Variants in SLCO6A1 observed in about 807,000 individuals in gnomAD.
SLCO6A1 encodes the protein solute carrier organic anion transporter family member 6A1.
SLCO6A1 carries 65 observed loss-of-function variants against 72.7 expected under a neutral mutation model. That is an observed-to-expected ratio of 0.89 (90% CI 0.73 to 1.10). The LOEUF (loss-of-function observed/expected upper bound fraction) is 1.10, where lower values mean the gene tolerates loss of function less well. SLCO6A1 is among the 50% of genes least tolerant of loss of function. SLCO6A1 has a pLI of 0.00. For synonymous variants in SLCO6A1, 314 were observed against 298.2 expected (o/e 1.05, Z -0.55); for missense variants, 874 against 872.6 (o/e 1.00, Z -0.02).
chr5:102,449,935 C>T (rs1750325674), intron 6 of SLCO6A1, among the ~76,000 whole-genome samples: 1 of 152,156 alleles, frequency 6.6e-6, no homozygotes, highest in Admixed American at 6.5e-5. Flanking sequence ...CGATAATACT[C>T]CCAATTATGT....
intron 1 of SLCO6A1, among the ~76,000 whole-genome samples, chr5:102,494,729 A>G (rs1339410788): frequency 6.6e-6 from 1 of 152,212 alleles, no homozygotes; most frequent in Non-Finnish European, 1.5e-5. Context: ...GGAATAGCTA[A>G]AATTTTAAGA....
intron 7 of SLCO6A1, among the ~76,000 whole-genome samples, chr5:102,431,598 G>T (rs1259338933): frequency 6.6e-6 from 1 of 152,080 alleles, no homozygotes; most frequent in African/African-American, 2.4e-5. Context: ...CCAAGAGAGT[G>T]GTTGGTATGA....
intron 8 of SLCO6A1, among the ~76,000 whole-genome samples, chr5:102,414,467 T>C (rs1748161316): frequency 6.6e-6 from 1 of 152,150 alleles, no homozygotes; most frequent in Non-Finnish European, 1.5e-5. Context: ...GATGATACAA[T>C]CTTAGGCCTA....
At chr5:102,488,680 C>T (rs1273464134) in intron 1 of SLCO6A1, among the ~76,000 whole-genome samples, 5 of 152,202 alleles carry the variant, frequency 3.3e-5, no homozygotes, top group African/African-American at 1.2e-4. Context: ...ACACTTCAGT[C>T]AATTTAATTT....
intron 7 of SLCO6A1, among the ~76,000 whole-genome samples, chr5:102,421,567 C>T (rs1267675574): frequency 6.6e-6 from 1 of 152,154 alleles, no homozygotes; most frequent in Non-Finnish European, 1.5e-5. Flanking sequence ...GACTGCCTCT[C>T]TTGATTCCTC....
intron 4 of SLCO6A1, among the ~76,000 whole-genome samples, chr5:102,466,135 G>T (rs76048631): frequency 0.023 from 3,515 of 152,098 alleles, 94 homozygotes; most frequent in African/African-American, 0.068. Flanking sequence ...CAGGTATTAA[G>T]CCTAGTATTA....
intron 1 of SLCO6A1, among the ~76,000 whole-genome samples, chr5:102,488,217 A>G (rs1752526025): frequency 6.6e-6 from 1 of 152,204 alleles, no homozygotes; most frequent in Admixed American, 6.5e-5. Flanking sequence ...ATTAACTGAC[A>G]TAGGGTTAAA....
chr5:102,449,429 C>G (rs1199330781), intron 6 of SLCO6A1, among the ~76,000 whole-genome samples: 1 of 151,958 alleles, frequency 6.6e-6, no homozygotes, highest in Non-Finnish European at 1.5e-5. Flanking sequence ...CTCTGTTGCC[C>G]AGGCTGGAGT....
intron 12 of SLCO6A1, among the ~76,000 whole-genome samples, chr5:102,383,055 C>A: frequency 8.5e-6 from 1 of 117,460 alleles, no homozygotes; most frequent in African/African-American, 3.4e-5. Context: ...ATATATGACA[C>A]TCTACCAAAA....
chr5:102,377,965 T>C (rs1018628276), intron 12 of SLCO6A1, among the ~76,000 whole-genome samples: 1 of 151,250 alleles, frequency 6.6e-6, no homozygotes, highest in South Asian at 2.1e-4. Context: ...CTCTAGCATA[T>C]AAATTTAATG....
intron 8 of SLCO6A1, among the ~76,000 whole-genome samples, chr5:102,417,487 T>C (rs1035429070): frequency 2.0e-5 from 3 of 152,228 alleles, no homozygotes; most frequent in Non-Finnish European, 4.4e-5. Flanking sequence ...TATGTTGATT[T>C]ATGTGTTGTG....
At chr5:102,424,668 C>T (rs545425319) in intron 7 of SLCO6A1, among the ~76,000 whole-genome samples, 2 of 152,048 alleles carry the variant, frequency 1.3e-5, no homozygotes, top group East Asian at 1.9e-4. Context: ...TCAGATGGAT[C>T]GACAGCCAAA....
At chr5:102,489,966 G>A (rs1057394005) in intron 1 of SLCO6A1, among the ~76,000 whole-genome samples, 3 of 152,174 alleles carry the variant, frequency 2.0e-5, no homozygotes, top group African/African-American at 7.2e-5. Context: ...AGAACATCAT[G>A]TTAAGTGAAA....
At position 102,480,297 on chromosome 5, in the gene SLCO6A1, C is replaced by T; in HGVS notation, c.496G>A (p.Gly166Arg). 6.2e-7 allele frequency: 1 copy of T among 1,613,436 alleles called. No individual in the cohort carries two copies. Among genetic ancestry groups the T allele is most frequent in the Non-Finnish European group, 8.5e-7 (1 of 1,179,718 alleles). ...GLVAIFIAFYGDRKKVIWFVA... is the reference protein window; with the variant it reads ...GLVAIFIAFYRDRKKVIWFVA... ...AACCATATTACTTTTTTTCTGTCTC[C>T]ATAGAATGCTATAAATATTGCTACC... Residue 166 changes from glycine (G) to arginine (R), a missense_variant, in exon 2 of 14, where the codon GGA becomes AGA. By Grantham distance (125) the Gly-to-Arg change is moderately radical (BLOSUM62 -2). Transcript: ENST00000506729.
intron 7 of SLCO6A1, among the ~76,000 whole-genome samples, chr5:102,421,422 C>T (rs1299690259): frequency 1.3e-5 from 2 of 152,126 alleles, no homozygotes; most frequent in Non-Finnish European, 2.9e-5. Context: ...CTAAGATGCT[C>T]GAGCTTGGTG....
chr5:102,422,654 G>A (rs1748671300), intron 7 of SLCO6A1, among the ~76,000 whole-genome samples: 1 of 152,156 alleles, frequency 6.6e-6, no homozygotes, highest in Non-Finnish European at 1.5e-5. Context: ...ATTGATTGGT[G>A]TACCTGAAAG....
At chr5:102,449,696 C>T (rs1447393025) in intron 6 of SLCO6A1, among the ~76,000 whole-genome samples, 2 of 152,122 alleles carry the variant, frequency 1.3e-5, no homozygotes, top group African/African-American at 4.8e-5. Flanking sequence ...TTGTATTGAC[C>T]TCTCTAGTGA....
intron 7 of SLCO6A1, among the ~76,000 whole-genome samples, chr5:102,432,708 G>GT (rs1289255754): frequency 6.6e-6 from 1 of 152,034 alleles, no homozygotes; most frequent in Non-Finnish European, 1.5e-5. Context: ...CTTTGACATT[G>GT]TTTTTTCATT....
intron 6 of SLCO6A1, among the ~76,000 whole-genome samples, chr5:102,439,211 C>A (rs889023803): frequency 2.0e-5 from 3 of 151,770 alleles, no homozygotes; most frequent in African/African-American, 7.3e-5. Flanking sequence ...ACCAGTAGGA[C>A]TGCAGAAAAT....
Sources: allele counts gnomAD v4.1 joint callset (sites outside exome capture counted in the v4.1 genomes callset), GRCh38; gene constraint gnomAD v4.1.1; transcripts MANE v1.5; gene names NCBI Gene and HGNC (gene_info 2026-07-23, HGNC 2026-07-21).